SP9: variants seen among roughly 807,000 people sequenced by gnomAD.
SP9 encodes Sp9 transcription factor, also known as transcription factor Sp9.
Under a neutral mutation model 23.0 loss-of-function variants are expected in SP9, and 5 were observed. That is an observed-to-expected ratio of 0.22 (90% CI 0.11 to 0.46). SP9 has a LOEUF of 0.46. Among genes scored for constraint, SP9 ranks in the 20% least tolerant of loss-of-function variants. The pLI, the probability that SP9 is intolerant of heterozygous loss-of-function variation, is 0.99. For synonymous variants in SP9, 360 were observed against 356.5 expected (o/e 1.01, Z -0.11); for missense variants, 542 against 724.0 (o/e 0.75, Z 2.88).
At chr2:174,335,254 G>A (rs574589045) in intron 1 of SP9, 141 bp downstream of exon 1, 2 of 940,604 alleles carry the variant, frequency 2.1e-6, no homozygotes, top group African/African-American at 3.3e-5. Context: ...CACATTTCTG[G>A]GACTGATTTT....
Position 174,337,471 on chromosome 2 carries a change from AGCGGCGGCGGCGGCGGCGGCG to A in SP9, c.1389_1409del (p.Ala464_Ala470del). ...GGGCGGCGGCAGCGGCGGCGGCGGC[AGCGGCGGCGGCGGCGGCGGCG>A]GCCTCCGCGGGAGGCAAGGAAGCAG... is the stretch of plus-strand genomic sequence containing the variant. On this transcript the variant is annotated inframe_deletion, in exon 2 of 2. Coordinates refer to ENST00000394967, the MANE Select transcript of SP9 (RefSeq NM_001145250.2). 5 of 1,200,518 alleles carry A rather than the reference AGCGGCGGCGGCGGCGGCGGCG, an allele frequency of 4.2e-6. No homozygotes were observed. The highest frequency in any genetic ancestry group is 5.2e-6 in the Non-Finnish European group (5 of 953,550). The allele number at this position is 1,200,518 out of a possible 1,614,324, so 74.4% of individuals were successfully genotyped here.
In SP9 at chr2:174,337,731, T is replaced by A; in HGVS notation, c.*191T>A. 1 of 638,310 alleles carries A rather than the reference T, an allele frequency of 1.6e-6. No homozygotes were observed. Among genetic ancestry groups the A allele is most frequent in the Non-Finnish European group, 2.0e-6 (1 of 499,490 alleles). The allele number at this position is 638,310 out of a possible 1,614,324, so 39.5% of individuals were successfully genotyped here. On this transcript the variant is annotated 3_prime_UTR_variant, in exon 2 of 2. Coordinates refer to ENST00000394967, the MANE Select transcript of SP9 (RefSeq NM_001145250.2). Reference sequence around the variant, plus strand: ...TCGCCCGCTGTGCGAGGAGCTCCCCTCTGCCTTCCGCGCCCGGATAAGAAT... The same window carrying A: ...TCGCCCGCTGTGCGAGGAGCTCCCCACTGCCTTCCGCGCCCGGATAAGAAT...
In SP9 at chr2:174,337,782, C is replaced by A; in HGVS notation, c.*242C>A. ...CGAACGCGTGGTCCGGAAACAAAAG[C>A]GAACCATCCTCCGACACAAACACTT... On this transcript the variant is annotated 3_prime_UTR_variant, in exon 2 of 2. Transcript: ENST00000394967. The A allele has an allele frequency of 3.8e-6, 1 of 260,464 alleles. No homozygotes were observed. The highest frequency in any genetic ancestry group is 6.3e-6 in the Non-Finnish European group (1 of 158,862). 16.1% of individuals were successfully genotyped at this position (260,464 alleles called of 1,614,324 possible).
intron 1 of SP9, chr2:174,335,867 A>C: frequency 5.7e-6 from 3 of 526,152 alleles, no homozygotes; most frequent in Non-Finnish European, 1.0e-5. Flanking sequence ...TCTTTGATTT[A>C]TAGCCTCAGC....
At position 174,335,058 on chromosome 2, in the gene SP9, C is replaced by A; in HGVS notation, c.-35C>A. The A allele has an allele frequency of 1.9e-6, 3 of 1,550,690 alleles. No homozygotes were observed. The highest frequency in any genetic ancestry group is 2.6e-6 in the Non-Finnish European group (3 of 1,146,230). On this transcript the variant is annotated 5_prime_UTR_variant, in exon 1 of 2. Transcript: ENST00000394967. ...TCCGAGCAGCCGCCAGGCTCAGCCCCGCTCCCAGCCTCGCTGCGCAGCCAG... is the reference window on the plus strand; with the variant it reads ...TCCGAGCAGCCGCCAGGCTCAGCCCAGCTCCCAGCCTCGCTGCGCAGCCAG...
Position 174,337,498 on chromosome 2 carries a change from C to G in SP9, c.1413C>G (p.Ser471=), listed in dbSNP as rs1168823084. Residue 471 remains serine (S), a synonymous_variant, in exon 2 of 2, where the codon TCC becomes TCG. Transcript: ENST00000394967. ...AAAAAAAAAA[S]AGGKEAASGP... The stretch of plus-strand genomic sequence containing the variant: ...CGGCGGCGGCGGCGGCGGCGGCCTC[C>G]GCGGGAGGCAAGGAAGCAGCGTCTG... The G allele has an allele frequency of 6.7e-6, 8 of 1,190,610 alleles. No individual in the cohort carries two copies. Among genetic ancestry groups the G allele is most frequent in the East Asian group, 3.9e-5 (1 of 25,622 alleles). The allele number at this position is 1,190,610 out of a possible 1,614,324, so 73.8% of individuals were successfully genotyped here.
Position 174,336,267 on chromosome 2 carries a change from C to T in SP9, c.182C>T (p.Ser61Phe), listed in dbSNP as rs1391943846. Residue 61 changes from serine (S) to phenylalanine (F), a missense_variant, in exon 2 of 2, where the codon TCC becomes TTC. Coordinates refer to ENST00000394967, the MANE Select transcript of SP9 (RefSeq NM_001145250.2). ...KRSSSSCNLGSSLSGFAVATG... is the reference protein window; with the variant it reads ...KRSSSSCNLGFSLSGFAVATG... ...TCCTCGTCCAGCTGCAACCTCGGCTCCAGCCTCTCGGGCTTCGCGGTGGCC... is the reference window on the plus strand; with the variant it reads ...TCCTCGTCCAGCTGCAACCTCGGCTTCAGCCTCTCGGGCTTCGCGGTGGCC... 1.3e-6 allele frequency: 2 copies of T among 1,540,536 alleles called. No individual in the cohort carries two copies. The highest frequency in any genetic ancestry group is 1.7e-6 in the Non-Finnish European group (2 of 1,143,280).
rs1256659015 is a variant in SP9, at chr2:174,334,964, G to T, written c.-129G>T. The T allele has an allele frequency of 6.4e-6, 7 of 1,094,414 alleles. No individual in the cohort carries two copies. The highest frequency in any genetic ancestry group is 1.6e-5 in the African/African-American group (1 of 63,164). The allele number at this position is 1,094,414 out of a possible 1,614,324, so 67.8% of individuals were successfully genotyped here. Reference sequence around the variant, plus strand: ...CCTCGCACTTAGGCTGAGTTTAGCCGGCGGGAGCCTGGAGTCCGCTCGGCA... The same window carrying T: ...CCTCGCACTTAGGCTGAGTTTAGCCTGCGGGAGCCTGGAGTCCGCTCGGCA... On this transcript the variant is annotated 5_prime_UTR_variant, in exon 1 of 2. Transcript: ENST00000394967.
At chr2:174,336,066 C>T (rs1574613125) in intron 1 of SP9, 41 bp from the exon 2 acceptor site, 1 of 1,536,142 alleles carries the variant, frequency 6.5e-7, no homozygotes, top group Non-Finnish European at 8.8e-7. Context: ...TTCCTCTTGC[C>T]CTCCTCCTTC....
At chr2:174,335,860 T>TC in intron 1 of SP9, 1 of 502,610 alleles carries the variant, frequency 2.0e-6, no homozygotes, top group Non-Finnish European at 3.5e-6. Flanking sequence ...GGAGGCATCT[T>TC]TGATTTATAG....
intron 1 of SP9, chr2:174,335,473 A>G (rs1684391097): frequency 3.5e-6 from 1 of 286,308 alleles, no homozygotes; most frequent in Non-Finnish European, 6.7e-6. Flanking sequence ...TTTGCAGTCC[A>G]TCTAGTCACG....
intron 1 of SP9, 22 bp from the exon 2 acceptor site, chr2:174,336,085 T>TC (rs1312289509): frequency 1.2e-5 from 13 of 1,077,766 alleles, no homozygotes; most frequent in Non-Finnish European, 1.7e-5. Context: ...TCTTGCTCCC[T>TC]CCCCCATCCC....
Position 174,337,613 on chromosome 2 carries a change from C to T in SP9, c.*73C>T, listed in dbSNP as rs1304425410. On this transcript the variant is annotated 3_prime_UTR_variant, in exon 2 of 2. Transcript: ENST00000394967. ...ACGAACGAGAGGTTCGGAGGGCGAGCGAGCGGGAGGCGGGAGGGCAGGGGC... is the reference window on the plus strand; with the variant it reads ...ACGAACGAGAGGTTCGGAGGGCGAGTGAGCGGGAGGCGGGAGGGCAGGGGC... 3.7e-6 allele frequency: 4 copies of T among 1,075,936 alleles called. No homozygotes were observed. In the Admixed American group the frequency reaches 2.1e-4, roughly 57 times the overall value. The allele number at this position is 1,075,936 out of a possible 1,614,324, so 66.6% of individuals were successfully genotyped here.
Position 174,336,175 on chromosome 2 carries a change from G to A in SP9, c.90G>A (p.Thr30=), listed in dbSNP as rs35548534. 9 of 1,550,318 alleles carry A rather than the reference G, an allele frequency of 5.8e-6. No individual in the cohort carries two copies. In the African/African-American group the frequency reaches 6.9e-5, roughly 12 times the overall value. Reference sequence around the variant, plus strand: ...CGACCTGCAACAAGATCGGCAACACGAGCCCGCTGACGACGCTGCCAGAGT... The same window carrying A: ...CGACCTGCAACAAGATCGGCAACACAAGCCCGCTGACGACGCTGCCAGAGT... ...LAATCNKIGN[T]SPLTTLPESS... The change falls in exon 2 of 2, where the codon ACG becomes ACA. Residue 30 remains threonine (T), a synonymous_variant. Coordinates refer to ENST00000394967, the MANE Select transcript of SP9 (RefSeq NM_001145250.2).
chr2:174,337,084 C>A lies in SP9; in HGVS notation c.999C>A (p.Ser333Arg). 1 of 1,587,022 alleles carries A rather than the reference C, an allele frequency of 6.3e-7. No homozygotes were observed. The highest frequency in any genetic ancestry group is 1.8e-5 in the Admixed American group (1 of 56,588). ...GCCTGCGGCGCAAGGGCCTGCACAG[C>A]TGCCACATTCCGGGCTGCGGCAAGG... ...GASLRRKGLH[S>R]CHIPGCGKVY... Residue 333 changes from serine (S) to arginine (R), a missense_variant, in exon 2 of 2, where the codon AGC becomes AGA. Physicochemically the swap from Ser to Arg is moderately radical, Grantham distance 110. Around this residue, in one of 8 missense-constraint regions of SP9, gnomAD observed 56 missense variants for 97.8 expected, o/e 0.57. Coordinates refer to ENST00000394967, the MANE Select transcript of SP9 (RefSeq NM_001145250.2).
rs1407811886 is a variant in SP9, at chr2:174,337,062, T to C, written c.977T>C (p.Leu326Pro). The change falls in exon 2 of 2, where the codon CTG (leucine) becomes CCG (proline). Residue 326 changes from leucine (L) to proline (P), a missense_variant. By Grantham distance (98) the Leu-to-Pro change is moderately conservative. This residue lies in a region of SP9 where 56 missense variants were observed against 97.8 expected (regional missense o/e 0.57). Transcript: ENST00000394967. ...CGGCTGGGCCCGGCCGGGGCGAGCC[T>C]GCGGCGCAAGGGCCTGCACAGCTGC... is the stretch of plus-strand genomic sequence containing the variant. ...AERLGPAGAS[L>P]RRKGLHSCHI... 1.3e-6 allele frequency: 2 copies of C among 1,550,196 alleles called. No homozygotes were observed. The highest frequency in any genetic ancestry group is 3.9e-5 in the Admixed American group (2 of 51,440).
intron 1 of SP9, chr2:174,335,482 C>T (rs746436098): frequency 2.0e-5 from 5 of 250,978 alleles, no homozygotes; most frequent in Non-Finnish European, 3.9e-5. Context: ...CATCTAGTCA[C>T]GCTAATAAAC....
intron 1 of SP9, chr2:174,335,841 G>A (rs972590218): frequency 2.1e-6 from 1 of 479,710 alleles, no homozygotes. Flanking sequence ...GGGTTGCAGC[G>A]GGGAACACGG....
rs972042807 is a variant in SP9 at position 174,336,961 on chromosome 2, G to A, written c.876G>A (p.Gly292=). Residue 292 remains glycine, a synonymous_variant, in exon 2 of 2, where the codon GGG becomes GGA. Coordinates refer to ENST00000394967, the MANE Select transcript of SP9 (RefSeq NM_001145250.2). ...CGGGCGCCGCGGCTGCCGCCGCCGG[G>A]GGGAGCTCGGCACGCTCTGCCCGCC... ...MISGAAAAAA[G]GSSARSARRY... is the part of the protein sequence containing the mutation. The A allele has an allele frequency of 2.9e-4, 416 of 1,437,076 alleles. No homozygotes were observed. Among genetic ancestry groups the A allele is most frequent in the Middle Eastern group, 4.4e-4 (2 of 4,538 alleles). 89.0% of individuals were successfully genotyped at this position (1,437,076 alleles called of 1,614,324 possible).
Sources: gnomAD v4.1 joint callset for allele counts on GRCh38, gnomAD v4.1.1 for gene constraint, gnomAD v4.1.1 regional missense constraint, MANE v1.5 for transcripts, NCBI Gene and HGNC (gene_info 2026-07-23, HGNC 2026-07-21) for gene names.